HTR1D: variants seen among roughly 807,000 people sequenced by gnomAD.
HTR1D encodes the protein 5-hydroxytryptamine receptor 1D, also known as 5-HT-1D.
In HTR1D, 18 loss-of-function variants were observed where a neutral mutation model predicts 21.1. The ratio of observed to expected loss-of-function variants is 0.85; its 90% CI spans 0.59 to 1.27. The LOEUF (loss-of-function observed/expected upper bound fraction) is 1.27. Ranked by LOEUF, HTR1D falls within the 50% of genes most tolerant of loss-of-function variation. The pLI, the probability that HTR1D is intolerant of heterozygous loss-of-function variation, is 0.00. For missense variants in HTR1D, 456 were observed against 481.4 expected (o/e 0.95, Z 0.49); for synonymous variants, 196 against 204.4 (o/e 0.96, Z 0.35).
chr1:23,208,284 C>A (rs963648389), intron 1 of HTR1D, among the ~76,000 whole-genome samples: 1 of 152,016 alleles, frequency 6.6e-6, no homozygotes, highest in Non-Finnish European at 1.5e-5. Flanking sequence ...CAAAAATTAG[C>A]CAGGTGGCTG....
chr1:23,195,134 T>C (rs1644682945), intron 1 of HTR1D, among the ~76,000 whole-genome samples, 133 bp from the exon 2 acceptor site: 1 of 152,214 alleles, frequency 6.6e-6, no homozygotes, highest in Non-Finnish European at 1.5e-5. Flanking sequence ...TTCTAAAAAG[T>C]ATCAGAATAC....
intron 1 of HTR1D, among the ~76,000 whole-genome samples, chr1:23,199,751 C>T (rs943926874): frequency 3.9e-5 from 6 of 152,032 alleles, no homozygotes; most frequent in Non-Finnish European, 5.9e-5. Context: ...GTCACCCAGC[C>T]TGGAATGCAG....
intron 1 of HTR1D, among the ~76,000 whole-genome samples, chr1:23,213,129 G>A (rs142805810): frequency 2.0e-5 from 3 of 152,130 alleles, no homozygotes; most frequent in African/African-American, 7.2e-5. Flanking sequence ...TCTGGCCAGC[G>A]CCTCCTTTGT....
intron 1 of HTR1D, among the ~76,000 whole-genome samples, chr1:23,199,512 C>T (rs947118661): frequency 3.0e-5 from 4 of 132,884 alleles, no homozygotes; most frequent in African/African-American, 1.2e-4. Flanking sequence ...CTCACTGCAG[C>T]CTTGAACTTC....
At chr1:23,210,324 C>T (rs746859388) in intron 1 of HTR1D, among the ~76,000 whole-genome samples, 4 of 152,216 alleles carry the variant, frequency 2.6e-5, no homozygotes, top group African/African-American at 4.8e-5. Context: ...GTGATTCACT[C>T]GCCTCAACCT....
Position 23,193,078 on chromosome 1 carries a change from G to T in HTR1D, c.*8C>A, listed in dbSNP as rs373557996. 3 of 1,579,794 alleles carry T rather than the reference G, an allele frequency of 1.9e-6. No individual in the cohort carries two copies. Among genetic ancestry groups the T allele is most frequent in the East Asian group, 2.2e-5 (1 of 44,584 alleles). ...ACAAAAGATAACAAGAGTCATCACC[G>T]AATAAGACTAGGAGGCCTTCCGGAA... On this transcript the variant is annotated 3_prime_UTR_variant, in exon 2 of 2. Transcript: ENST00000374619.
intron 1 of HTR1D, among the ~76,000 whole-genome samples, chr1:23,202,374 T>C (rs1053557008): frequency 6.6e-6 from 1 of 152,174 alleles, no homozygotes; most frequent in Non-Finnish European, 1.5e-5. Flanking sequence ...GTTACATGCA[T>C]GAGCCACCGC....
intron 1 of HTR1D, among the ~76,000 whole-genome samples, chr1:23,202,150 GTAGTGACCCAATCTCAGCT>G (rs1434381246): frequency 3.3e-5 from 5 of 151,964 alleles, no homozygotes; most frequent in Non-Finnish European, 5.9e-5. Context: ...AGGCTGGAGT[GTAGTGACCCAATCTCAGCT>G]CACTGCAACC....
intron 1 of HTR1D, among the ~76,000 whole-genome samples, chr1:23,202,867 T>A (rs1279485994): frequency 6.6e-6 from 1 of 152,094 alleles, no homozygotes; most frequent in Non-Finnish European, 1.5e-5. Flanking sequence ...CTCCCAGAGA[T>A]ATAATGAGGA....
chr1:23,206,256 T>A (rs1196652435), intron 1 of HTR1D, among the ~76,000 whole-genome samples: 1 of 151,914 alleles, frequency 6.6e-6, no homozygotes, highest in Non-Finnish European at 1.5e-5. Context: ...GGTTTCGATC[T>A]CCTGACCTCG....
chr1:23,198,087 G>A (rs1644696250), intron 1 of HTR1D, among the ~76,000 whole-genome samples: 1 of 150,248 alleles, frequency 6.7e-6, no homozygotes. Context: ...AAAAAAAAGT[G>A]TGGGCCGGGC....
chr1:23,214,446 T>A (rs538162290), intron 1 of HTR1D, among the ~76,000 whole-genome samples: 1 of 152,098 alleles, frequency 6.6e-6, no homozygotes, highest in South Asian at 2.1e-4. Flanking sequence ...ATTCATTCAT[T>A]CATAAATAAA....
intron 1 of HTR1D, among the ~76,000 whole-genome samples, chr1:23,201,654 T>G (rs568108343): frequency 7.9e-5 from 12 of 152,162 alleles, no homozygotes; most frequent in African/African-American, 2.9e-4. Flanking sequence ...CAGGTTCAAG[T>G]GATCCTTCCA....
chr1:23,211,145 T>C (rs1249640921), intron 1 of HTR1D, among the ~76,000 whole-genome samples: 1 of 152,242 alleles, frequency 6.6e-6, no homozygotes, highest in Non-Finnish European at 1.5e-5. Context: ...TGAACTCACG[T>C]GTCAGCTCAG....
At chr1:23,204,266 C>T (rs976082947) in intron 1 of HTR1D, among the ~76,000 whole-genome samples, 1 of 152,142 alleles carries the variant, frequency 6.6e-6, no homozygotes, top group Non-Finnish European at 1.5e-5. Flanking sequence ...GCTGGGACTA[C>T]AGGCACTGGC....
At chr1:23,197,477 T>G (rs1280560712) in intron 1 of HTR1D, among the ~76,000 whole-genome samples, 1 of 152,134 alleles carries the variant, frequency 6.6e-6, no homozygotes, top group Non-Finnish European at 1.5e-5. Context: ...ACACCTGTAA[T>G]CCCAGCACTT....
At chr1:23,208,997 C>CTTTTT (rs202088436) in intron 1 of HTR1D, among the ~76,000 whole-genome samples, 1 of 133,752 alleles carries the variant, frequency 7.5e-6, no homozygotes, top group Non-Finnish European at 1.6e-5. Context: ...AAAATTTTCA[C>CTTTTT]TTTTTTTTTT....
chr1:23,201,063 T>C (rs1051506835), intron 1 of HTR1D, among the ~76,000 whole-genome samples: 5 of 152,164 alleles, frequency 3.3e-5, no homozygotes, highest in South Asian at 2.1e-4. Flanking sequence ...TCCCAGCCTG[T>C]TCCAGAGACC....
intron 1 of HTR1D, among the ~76,000 whole-genome samples, chr1:23,205,055 C>T (rs1296072006): frequency 6.6e-6 from 1 of 152,160 alleles, no homozygotes. Flanking sequence ...GAATACTATC[C>T]AGTCATAAAA....
Sources: gnomAD v4.1 joint callset for allele counts (sites outside exome capture counted in the v4.1 genomes callset) on GRCh38, gnomAD v4.1.1 for gene constraint, MANE v1.5 for transcripts, NCBI Gene and HGNC (gene_info 2026-07-23, HGNC 2026-07-21) for gene names.